Variants in GRIA3 observed in about 807,000 individuals in gnomAD.
GRIA3 encodes the protein glutamate receptor 3.
Under a neutral mutation model 63.0 loss-of-function variants are expected in GRIA3, and 3 were observed. The ratio of observed to expected loss-of-function variants is 0.05; its 90% CI spans 0.02 to 0.12. The LOEUF is 0.12. Ranked by LOEUF, GRIA3 falls within the 10% of genes least tolerant of loss-of-function variation. The probability of loss-of-function intolerance (pLI) is 1.00; values close to 1 mark genes in which losing one functional copy is unlikely to be tolerated. For missense variants in GRIA3, 347 were observed against 700.9 expected, an observed-to-expected ratio of 0.50 and a Z score of 5.70; for synonymous variants, 274 against 257.9, an observed-to-expected ratio of 1.06 and a Z score of -0.60.
intron 12 of GRIA3, among the ~76,000 whole-genome samples, chrX:123,461,493 C>A (rs888139607): frequency 9.8e-5 from 11 of 111,737 alleles, no homozygotes; most frequent in Non-Finnish European, 1.7e-4. Flanking sequence ...AAAAGCATAA[C>A]CAAAGGCATA....
At chrX:123,310,894 T>C (rs745452760) in intron 3 of GRIA3, among the ~76,000 whole-genome samples, 1 of 109,271 alleles carries the variant, frequency 9.2e-6, no homozygotes, top group East Asian at 2.9e-4. Flanking sequence ...TCCCAGCTAC[T>C]CAGGAGGCTG....
rs766414330 is a variant in GRIA3 at position 123,395,049 on chromosome X, C to A, written c.832C>A (p.Pro278Thr). 5.8e-6 allele frequency: 7 copies of A among 1,202,973 alleles called. No homozygotes were observed. Among genetic ancestry groups the A allele is most frequent in the Non-Finnish European group, 7.9e-6 (7 of 887,706 alleles). The change falls in exon 6 of 16, where the codon CCT (proline) becomes ACT (threonine). Residue 278 changes from proline (P) to threonine (T), a missense_variant. Pro to Thr is a conservative substitution (Grantham distance 38). This residue lies in a region of GRIA3 where 113 missense variants were observed against 130.6 expected (regional missense o/e 0.87). Transcript: ENST00000620443. ...TGFQIVNNEN[P>T]MVQQFIQRWV... ...TTTCCAGATTGTCAACAATGAAAAC[C>A]CTATGGTTCAGCAGTTCATACAGCG...
intron 14 of GRIA3, among the ~76,000 whole-genome samples, chrX:123,480,551 G>C (rs898052315): frequency 6.2e-5 from 7 of 112,331 alleles, no homozygotes; most frequent in Non-Finnish European, 1.1e-4. Flanking sequence ...ATTTGTGACA[G>C]TACTTTCTCT....
At chrX:123,448,889 C>T (rs1382169011) in intron 12 of GRIA3, among the ~76,000 whole-genome samples, 7 of 112,011 alleles carry the variant, frequency 6.2e-5, no homozygotes, top group African/African-American at 2.3e-4. Context: ...ACTATGTTGT[C>T]GTGAGCTATG....
At chrX:123,480,935 T>C in intron 14 of GRIA3, among the ~76,000 whole-genome samples, 1 of 111,643 alleles carries the variant, frequency 9.0e-6, no homozygotes, top group Non-Finnish European at 1.9e-5. Flanking sequence ...TCTTTTTTAG[T>C]TTCAATTTTT....
chrX:123,199,513 A>T (rs921588954), intron 2 of GRIA3, among the ~76,000 whole-genome samples: 4 of 110,815 alleles, frequency 3.6e-5, no homozygotes, highest in African/African-American at 1.3e-4. Context: ...ACTGAAGAGG[A>T]GGAACAGAGA....
chrX:123,260,849 T>C (rs1216514159), intron 3 of GRIA3, among the ~76,000 whole-genome samples: 1 of 110,896 alleles, frequency 9.0e-6, no homozygotes, highest in Non-Finnish European at 1.9e-5. Context: ...GCCTAATCTA[T>C]TGTGATGAGT....
intron 3 of GRIA3, among the ~76,000 whole-genome samples, chrX:123,261,230 C>T (rs1268578816): frequency 1.8e-5 from 2 of 111,133 alleles, no homozygotes; most frequent in Non-Finnish European, 3.8e-5. Context: ...GGAAATTGTT[C>T]TCTCGGTAGC....
chrX:123,484,068 TC>T (rs747033613), intron 15 of GRIA3, among the ~76,000 whole-genome samples: 37 of 112,126 alleles, frequency 3.3e-4, no homozygotes, highest in African/African-American at 1.1e-3. Flanking sequence ...TCTTTTGTTG[TC>T]CCTTCCTTGG....
rs1025758523 is a variant in GRIA3 at position 123,483,880 on chromosome X, C to G, written c.*2+834C>G. Among the ~76,000 whole-genome samples, 10 of 110,250 alleles carry G rather than the reference C, an allele frequency of 9.1e-5. 1 individual carries two copies. The highest frequency in any genetic ancestry group is 3.8e-5 in the Non-Finnish European group (2 of 52,718). ...CTGGGAGGTGGAGCTTGCAGTGAGC[C>G]GAGATAGTGCCACTGCACTCCAGCC... On this transcript the variant is annotated intron_variant, in intron 15 of 15. Transcript: ENST00000620443.
intron 4 of GRIA3, among the ~76,000 whole-genome samples, chrX:123,331,116 T>C (rs2044939251): frequency 8.9e-6 from 1 of 111,951 alleles, no homozygotes; most frequent in South Asian, 3.8e-4. Flanking sequence ...ATCCTCTGCC[T>C]AAATTATAGC....
intron 14 of GRIA3, 122 bp downstream of exon 14, chrX:123,480,299 TAAC>T (rs2045906331): frequency 2.0e-6 from 1 of 509,934 alleles, no homozygotes; most frequent in Admixed American, 2.7e-5. Context: ...GACCCCTTTA[TAAC>T]AACAGTGCTA....
intron 2 of GRIA3, among the ~76,000 whole-genome samples, chrX:123,194,651 C>T (rs1927526209): frequency 8.9e-6 from 1 of 111,963 alleles, no homozygotes; most frequent in Non-Finnish European, 1.9e-5. Context: ...ATTCCTGGGT[C>T]ATACCCTAGA....
chrX:123,240,394 A>C (rs1569405304), intron 2 of GRIA3, among the ~76,000 whole-genome samples: 1 of 111,195 alleles, frequency 9.0e-6, no homozygotes, highest in Non-Finnish European at 1.9e-5. Flanking sequence ...ATTGAGACAT[A>C]TTTGAAGGAA....
chrX:123,350,499 GA>G (rs2045087133), intron 4 of GRIA3, among the ~76,000 whole-genome samples: 1 of 112,005 alleles, frequency 8.9e-6, no homozygotes, highest in South Asian at 3.7e-4. Context: ...TAGTCTTGTG[GA>G]GCAATTTCAT....
chrX:123,365,278 A>G (rs1269368437), intron 5 of GRIA3, among the ~76,000 whole-genome samples: 1 of 111,664 alleles, frequency 9.0e-6, no homozygotes, highest in Non-Finnish European at 1.9e-5. Flanking sequence ...GAAAGAAAGG[A>G]AAGAAAAGAA....
chrX:123,370,519 G>A (rs1198337112), intron 5 of GRIA3, among the ~76,000 whole-genome samples: 4 of 111,347 alleles, frequency 3.6e-5, no homozygotes, highest in African/African-American at 1.3e-4. Flanking sequence ...CTCTGCCAAC[G>A]ACCTTCACAC....
chrX:123,380,062 GT>G (rs1216853213), intron 5 of GRIA3, among the ~76,000 whole-genome samples: 1 of 110,727 alleles, frequency 9.0e-6, no homozygotes, highest in Non-Finnish European at 1.9e-5. Flanking sequence ...ATTTGGGTTG[GT>G]TTCAAGTCTT....
intron 9 of GRIA3, 100 bp downstream of exon 9, chrX:123,403,619 G>C: frequency 1.6e-6 from 1 of 606,939 alleles, no homozygotes. Flanking sequence ...AGTTCAAACA[G>C]TAAAAACTTC....
Sources: gnomAD v4.1 joint callset for allele counts (sites outside exome capture counted in the v4.1 genomes callset) on GRCh38, gnomAD v4.1.1 for gene constraint, gnomAD v4.1.1 regional missense constraint, MANE v1.5 for transcripts, NCBI Gene and HGNC (gene_info 2026-07-23, HGNC 2026-07-21) for gene names.